Variants in CDKL2 observed in about 807,000 individuals in gnomAD.
The protein encoded by CDKL2 is cyclin-dependent kinase-like 2.
CDKL2 carries 64 observed loss-of-function variants against 63.9 expected under a neutral mutation model. The observed-to-expected ratio is 1.00, with a 90% CI of 0.82 to 1.23. CDKL2 has a LOEUF of 1.23. Among genes scored for constraint, CDKL2 ranks in the 50% most tolerant of loss-of-function variants. The probability of loss-of-function intolerance (pLI) is 0.00; values close to 1 mark genes in which losing one functional copy is unlikely to be tolerated. For synonymous variants in CDKL2, 211 were observed against 229.2 expected, an observed-to-expected ratio of 0.92 and a Z score of 0.72; for missense variants, 656 against 668.0, an observed-to-expected ratio of 0.98 and a Z score of 0.20.
intron 6 of CDKL2, 46 bp downstream of exon 6, chr4:75,603,771 G>A: frequency 7.8e-6 from 7 of 892,702 alleles, no homozygotes; most frequent in African/African-American, 1.8e-5. Context: ...GGTCTTGATA[G>A]TGCATAAATT....
chr4:75,613,981 T>C (rs1729814262), intron 3 of CDKL2, among the ~76,000 whole-genome samples: 1 of 151,980 alleles, frequency 6.6e-6, no homozygotes, highest in Admixed American at 6.6e-5. Flanking sequence ...CACTTGAACC[T>C]GGGGGGCAGA....
chr4:75,586,368 G>A (rs1728483551), intron 12 of CDKL2, among the ~76,000 whole-genome samples: 1 of 152,000 alleles, frequency 6.6e-6, no homozygotes, highest in Non-Finnish European at 1.5e-5. Context: ...TGGGACTACA[G>A]GCGCCTGCCA....
intron 8 of CDKL2, 39 bp from the exon 9 acceptor site, chr4:75,597,275 GAA>G (rs1272731563): frequency 1.2e-5 from 16 of 1,305,372 alleles, no homozygotes; most frequent in Non-Finnish European, 1.7e-5. Flanking sequence ...TTAATGATCT[GAA>G]GAGAATGAAA....
At position 75,592,267 on chromosome 4, in the gene CDKL2, G is replaced by T. The variant is rs1460898374; in HGVS notation, c.1419C>A (p.Val473=). ...GIYNINVTTL[V]SSEKNLFWAS... ...CCCAAAAGAGGTTTTTTTCACTAGA[G>T]ACCTAATATCATCAACATAGTCAAC... The change falls in exon 11 of 14, where the codon GTC becomes GTA. Residue 473 remains valine (V), a splice_region_variant and synonymous_variant. Coordinates refer to ENST00000307465, the MANE Select transcript of CDKL2 (RefSeq NM_001330724.2). 1 of 1,526,016 alleles carries T rather than the reference G, an allele frequency of 6.6e-7. No homozygotes were observed. Among genetic ancestry groups the T allele is most frequent in the African/African-American group, 1.4e-5 (1 of 72,420 alleles). The allele number at this position is 1,526,016 out of a possible 1,614,324, so 94.5% of individuals were successfully genotyped here. A position where few individuals can be genotyped will look rare whatever the true frequency, so the allele number is the denominator to read the frequency against.
At chr4:75,609,021 GA>G (rs1729557374) in intron 3 of CDKL2, among the ~76,000 whole-genome samples, 1 of 150,132 alleles carries the variant, frequency 6.7e-6, no homozygotes, top group Admixed American at 6.6e-5. Flanking sequence ...AGAAAAGAAA[GA>G]AATAGAATTT....
Position 75,576,844 on chromosome 4 carries a change from G to C in CDKL2, c.*2358C>G, listed in dbSNP as rs1420260458. Among the ~76,000 whole-genome samples the C allele has an allele frequency of 6.6e-6, 1 of 152,216 alleles. No individual in the cohort carries two copies. Among genetic ancestry groups the C allele is most frequent in the Non-Finnish European group, 1.5e-5 (1 of 68,036 alleles). ...TATGTTCCATTTCAATGGGAAGTCA[G>C]ATATTCTAAGCAAGCAAGGGATTCT... On this transcript the variant is annotated 3_prime_UTR_variant, in exon 14 of 14. Transcript: ENST00000307465.
chr4:75,618,606 A>G (rs66606482), intron 2 of CDKL2, among the ~76,000 whole-genome samples: 23,284 of 152,016 alleles, frequency 0.15, 2,427 homozygotes, highest in African/African-American at 0.3. Context: ...TCTTAAACAT[A>G]TAAAAGGCTA....
Position 75,578,024 on chromosome 4 carries a change from G to T in CDKL2, c.*1178C>A, listed in dbSNP as rs1029164257. ...AAAAAAAAAAAAACTCACAAATTCTGGTTCCCTAAACAACCATTCTCTAAA... is the reference window on the plus strand; with the variant it reads ...AAAAAAAAAAAAACTCACAAATTCTTGTTCCCTAAACAACCATTCTCTAAA... On this transcript the variant is annotated 3_prime_UTR_variant, in exon 14 of 14. Coordinates refer to ENST00000307465, the MANE Select transcript of CDKL2 (RefSeq NM_001330724.2). 6.8e-6 allele frequency: 1 copy of T among 147,360 alleles called. No homozygotes were observed. Among genetic ancestry groups the T allele is most frequent in the African/African-American group, 2.5e-5 (1 of 40,260 alleles). The allele number at this position is 147,360 out of a possible 1,614,324, so 9.1% of individuals were successfully genotyped here.
At chr4:75,581,281 C>T (rs928644609) in intron 13 of CDKL2, among the ~76,000 whole-genome samples, 4 of 152,182 alleles carry the variant, frequency 2.6e-5, no homozygotes, top group Non-Finnish European at 1.5e-5. Context: ...GTTACAATTG[C>T]TTACAGTATT....
At chr4:75,629,244 T>C (rs1439991749) in intron 1 of CDKL2, among the ~76,000 whole-genome samples, 2 of 152,252 alleles carry the variant, frequency 1.3e-5, no homozygotes, top group African/African-American at 4.8e-5. Context: ...TTGTAATTGA[T>C]GTCCTCAATA....
intron 12 of CDKL2, among the ~76,000 whole-genome samples, chr4:75,587,882 C>T (rs1298708984): frequency 3.7e-5 from 5 of 136,842 alleles, no homozygotes; most frequent in Admixed American, 3.1e-4. Flanking sequence ...CCAGCCTGGG[C>T]GACAGATCAA....
chr4:75,588,309 C>G (rs753241342), intron 12 of CDKL2, among the ~76,000 whole-genome samples: 3 of 151,360 alleles, frequency 2.0e-5, no homozygotes, highest in Non-Finnish European at 4.4e-5. Context: ...ATTCAAGGAA[C>G]AAATAACACC....
chr4:75,626,688 A>G lies in CDKL2; in HGVS notation c.-29-671T>C, dbSNP rs1423817959. Among the ~76,000 whole-genome samples, 3 of 87,830 alleles carry G rather than the reference A, an allele frequency of 3.4e-5. No homozygotes were observed. The South Asian group carries it at 7.9e-4, about 23-fold the overall frequency. The allele number at this position is 87,830 out of a possible 152,430, so 57.6% of individuals were successfully genotyped here. A position where few individuals can be genotyped will look rare whatever the true frequency, so the allele number is the denominator to read the frequency against. ...TCTCAAAAAAAAAAAAAAAAGCACA[A>G]TTCCAGCCTGGGCAACATACTGAGA... On this transcript the variant is annotated intron_variant, in intron 1 of 13. Transcript: ENST00000307465.
intron 2 of CDKL2, among the ~76,000 whole-genome samples, chr4:75,621,719 A>C (rs1730166461): frequency 6.6e-6 from 1 of 152,302 alleles, no homozygotes; most frequent in Non-Finnish European, 1.5e-5. Context: ...TATTTTAAAC[A>C]CAAAGTAGAA....
Position 75,605,625 on chromosome 4 carries a change from A to T in CDKL2, c.552T>A (p.Asp184Glu). The T allele has an allele frequency of 2.5e-6, 4 of 1,610,886 alleles. No homozygotes were observed. Among genetic ancestry groups the T allele is most frequent in the Non-Finnish European group, 3.4e-6 (4 of 1,177,090 alleles). ...VGDVKYGKAVDVWAIGCLVTE... is the reference protein window; with the variant it reads ...VGDVKYGKAVEVWAIGCLVTE... ...TTACCAGACAACCAATGGCCCACAC[A>T]TCAACAGCCCTGAAAGAAAAGCAAT... Residue 184 changes from aspartate to glutamate, a missense_variant, in exon 5 of 14, where the codon GAT (aspartate) becomes GAA (glutamate). Asp to Glu is a conservative substitution (Grantham distance 45, BLOSUM62 2). Coordinates refer to ENST00000307465, the MANE Select transcript of CDKL2 (RefSeq NM_001330724.2).
intron 10 of CDKL2, among the ~76,000 whole-genome samples, chr4:75,594,897 C>A (rs1314315155): frequency 6.6e-6 from 1 of 152,014 alleles, no homozygotes; most frequent in Non-Finnish European, 1.5e-5. Flanking sequence ...ATCCTGCAGG[C>A]ACTTATAGAC....
chr4:75,592,186 GT>G lies in CDKL2; in HGVS notation c.1499del (p.Asn500ThrfsTer8), dbSNP rs1367412922. 2.6e-6 allele frequency: 4 copies of G among 1,535,332 alleles called. No homozygotes were observed. The East Asian group carries it at 9.8e-5, about 38-fold the overall frequency. On this transcript the variant is annotated frameshift_variant, in exon 11 of 14. Coordinates refer to ENST00000307465, the MANE Select transcript of CDKL2 (RefSeq NM_001330724.2). LOFTEE classifies it high-confidence loss of function. The stretch of plus-strand genomic sequence containing the variant: ...CTCTTAGTTCAGGGAGATGATTATA[GT>G]TTAGTTCAGGCAAACGGACATCTGT... ...SRTDVRLPELNYNHLPELRAL... is the reference protein window; with the variant it reads ...SRTDVRLPELXYNHLPELRAL...
Position 75,577,210 on chromosome 4 carries a change from T to G in CDKL2, c.*1992A>C, listed in dbSNP as rs1172582208. 6.6e-6 allele frequency among the ~76,000 whole-genome samples: 1 copy of G among 152,160 alleles called. No individual in the cohort carries two copies. Among genetic ancestry groups the G allele is most frequent in the Non-Finnish European group, 1.5e-5 (1 of 68,022 alleles). On this transcript the variant is annotated 3_prime_UTR_variant, in exon 14 of 14. Transcript: ENST00000307465. ...CACATATTCCCTATTAGTGTGTGAC[T>G]AAATCATATCCTTGCAAGAGAAACT...
Position 75,587,347 on chromosome 4 carries a change from G to A in CDKL2, c.1647+4472C>T, listed in dbSNP as rs529598961. Among the ~76,000 whole-genome samples the A allele has an allele frequency of 2.4e-4, 37 of 152,088 alleles. 1 individual carries two copies. In the South Asian group the frequency reaches 7.1e-3, roughly 29 times the overall value. ...CTCATGCCTGTAATCCCAGTAACTC[G>A]GGAGGCTGAGGCAGGAGAATCGCTT... On this transcript the variant is annotated intron_variant, in intron 12 of 13. Transcript: ENST00000307465.
Sources: allele counts gnomAD v4.1 joint callset (sites outside exome capture counted in the v4.1 genomes callset), GRCh38; gene constraint gnomAD v4.1.1; transcripts MANE v1.5; gene names NCBI Gene and HGNC (gene_info 2026-07-23, HGNC 2026-07-21).